LEKR1: variants seen among roughly 807,000 people sequenced by gnomAD.
LEKR1 encodes protein LEKR1.
Under a neutral mutation model 72.4 loss-of-function variants are expected in LEKR1, and 59 were observed. The observed-to-expected ratio is 0.82, with a 90% CI of 0.66 to 1.01. The LOEUF (loss-of-function observed/expected upper bound fraction) is 1.01, where lower values mean the gene tolerates loss of function less well. Ranked by LOEUF, LEKR1 falls within the 50% of genes least tolerant of loss-of-function variation. The pLI is 0.00. For missense variants in LEKR1, 728 were observed against 759.2 expected (o/e 0.96, Z 0.48); for synonymous variants, 257 against 263.2 (o/e 0.98, Z 0.23).
rs1327400095 is a variant in LEKR1, at chr3:156,852,875, A to G, written c.156A>G (p.Lys52=). Reference sequence around the variant, plus strand: ...TGAAAGCAATGGAAAAAGAGATGAAATTTTATCAAGGAAGTGTAGATCGTG... The same window carrying G: ...TGAAAGCAATGGAAAAAGAGATGAAGTTTTATCAAGGAAGTGTAGATCGTG... ...EKVKAMEKEM[K]FYQGSVDREK... is the part of the protein sequence containing the mutation. Residue 52 remains lysine (K), a synonymous_variant, in exon 3 of 13, where the codon AAA becomes AAG. Transcript: ENST00000356539. 3.9e-6 allele frequency: 6 copies of G among 1,535,148 alleles called. No homozygotes were observed. In the South Asian group the frequency reaches 7.1e-5, roughly 18 times the overall value.
intron 9 of LEKR1, among the ~76,000 whole-genome samples, chr3:157,007,261 A>C (rs770737349): frequency 9.9e-5 from 15 of 152,160 alleles, no homozygotes; most frequent in Non-Finnish European, 1.5e-4. Context: ...TTAACCACCC[A>C]CCATCTACAG....
intron 5 of LEKR1, among the ~76,000 whole-genome samples, chr3:156,937,644 G>A (rs1345452821): frequency 1.3e-5 from 2 of 152,122 alleles, no homozygotes; most frequent in Non-Finnish European, 2.9e-5. Flanking sequence ...CTTACCACAT[G>A]ACGCAACATT....
chr3:156,907,599 T>G (rs1560071002), intron 3 of LEKR1, among the ~76,000 whole-genome samples: 3 of 152,144 alleles, frequency 2.0e-5, no homozygotes, highest in South Asian at 4.1e-4. Flanking sequence ...ACCAGAGATA[T>G]ATTTGACACT....
At chr3:156,967,645 C>A (rs1484380028) in intron 6 of LEKR1, among the ~76,000 whole-genome samples, 3 of 152,148 alleles carry the variant, frequency 2.0e-5, no homozygotes, top group Non-Finnish European at 4.4e-5. Flanking sequence ...AAATCTACAT[C>A]TGATTGGTGT....
chr3:156,926,697 G>A (rs1724749067), intron 4 of LEKR1, among the ~76,000 whole-genome samples: 1 of 151,880 alleles, frequency 6.6e-6, no homozygotes, highest in African/African-American at 2.4e-5. Flanking sequence ...TATTTGTTGA[G>A]CACATATTAT....
chr3:156,968,391 C>A (rs994980785), intron 6 of LEKR1, among the ~76,000 whole-genome samples: 20 of 152,254 alleles, frequency 1.3e-4, no homozygotes, highest in African/African-American at 4.6e-4. Context: ...ATCTCACATG[C>A]AGAGACACAC....
chr3:156,835,035 G>A (rs1189548242), intron 2 of LEKR1, among the ~76,000 whole-genome samples: 1 of 152,138 alleles, frequency 6.6e-6, no homozygotes, highest in African/African-American at 2.4e-5. Context: ...TACATGGAAG[G>A]AAATGGATCT....
intron 6 of LEKR1, among the ~76,000 whole-genome samples, chr3:156,963,655 G>A (rs565590367): frequency 6.6e-6 from 1 of 152,150 alleles, no homozygotes; most frequent in African/African-American, 2.4e-5. Flanking sequence ...AATAGCAGCT[G>A]ACATTCACAT....
chr3:156,935,911 T>C (rs549170865), intron 5 of LEKR1, among the ~76,000 whole-genome samples: 7 of 152,318 alleles, frequency 4.6e-5, no homozygotes, highest in Non-Finnish European at 5.9e-5. Context: ...ATATTTCTAT[T>C]GGATATGACT....
intron 7 of LEKR1, among the ~76,000 whole-genome samples, chr3:156,984,936 T>C (rs1291216694): frequency 2.0e-5 from 3 of 151,926 alleles, no homozygotes; most frequent in Non-Finnish European, 4.4e-5. Context: ...GTCTCTATTA[T>C]TGAGATATAA....
chr3:156,946,952 G>T (rs983723127), intron 6 of LEKR1, among the ~76,000 whole-genome samples: 1 of 151,272 alleles, frequency 6.6e-6, no homozygotes, highest in African/African-American at 2.4e-5. Flanking sequence ...AATTTCTGCA[G>T]TATCAGTTGT....
At position 157,011,416 on chromosome 3, in the gene LEKR1, A is replaced by G; in HGVS notation, c.1113A>G (p.Glu371=). Residue 371 remains glutamate (E), a synonymous_variant, in exon 10 of 13, where the codon GAA becomes GAG. Transcript: ENST00000356539. ...EEVLTLKNER[E]LMLISHQKSI... ...TTGTCGGGTTTGTGATTTTCAGGGAATTGATGCTGATTTCACATCAGAAAA... is the reference window on the plus strand; with the variant it reads ...TTGTCGGGTTTGTGATTTTCAGGGAGTTGATGCTGATTTCACATCAGAAAA... 2 of 1,611,172 alleles carry G rather than the reference A, an allele frequency of 1.2e-6. No individual in the cohort carries two copies. The highest frequency in any genetic ancestry group is 1.7e-6 in the Non-Finnish European group (2 of 1,177,544).
At chr3:157,026,894 C>G (rs1222044252) in intron 11 of LEKR1, among the ~76,000 whole-genome samples, 2 of 152,136 alleles carry the variant, frequency 1.3e-5, no homozygotes, top group East Asian at 3.8e-4. Context: ...GACTTTCATG[C>G]CATCAGGAAA....
At chr3:156,968,598 A>G (rs1728849312) in intron 6 of LEKR1, among the ~76,000 whole-genome samples, 1 of 152,224 alleles carries the variant, frequency 6.6e-6, no homozygotes, top group Non-Finnish European at 1.5e-5. Context: ...TGCACCCAAT[A>G]CAGGAGCACC....
intron 2 of LEKR1, among the ~76,000 whole-genome samples, chr3:156,839,264 G>C (rs1288804386): frequency 6.6e-6 from 1 of 152,208 alleles, no homozygotes; most frequent in Non-Finnish European, 1.5e-5. Context: ...TCTAGACTGA[G>C]TCCATCAATG....
At chr3:156,839,765 C>G (rs980432267) in intron 2 of LEKR1, among the ~76,000 whole-genome samples, 10 of 152,278 alleles carry the variant, frequency 6.6e-5, no homozygotes, top group Admixed American at 5.9e-4. Flanking sequence ...GAGACTGCTT[C>G]TCACTTCTTT....
At chr3:156,904,657 AATAT>A (rs147716367) in intron 3 of LEKR1, among the ~76,000 whole-genome samples, 3 of 144,572 alleles carry the variant, frequency 2.1e-5, no homozygotes, top group Admixed American at 7.0e-5. Flanking sequence ...TCATATAGCA[AATAT>A]ATATATATAT....
chr3:156,856,336 C>T (rs566050631), intron 3 of LEKR1, among the ~76,000 whole-genome samples: 1 of 152,264 alleles, frequency 6.6e-6, no homozygotes, highest in South Asian at 2.1e-4. Flanking sequence ...GTCAGGGCCA[C>T]ACTTTTAACT....
At chr3:157,039,125 G>A (rs1210146201) in intron 12 of LEKR1, among the ~76,000 whole-genome samples, 1 of 150,996 alleles carries the variant, frequency 6.6e-6, no homozygotes. Flanking sequence ...CTACCAAGAT[G>A]ATAGGAAAAA....
Sources: gnomAD v4.1 joint callset for allele counts (sites outside exome capture counted in the v4.1 genomes callset) on GRCh38, gnomAD v4.1.1 for gene constraint, MANE v1.5 for transcripts, NCBI Gene and HGNC (gene_info 2026-07-23, HGNC 2026-07-21) for gene names.